The following PDE4D variants were observed in gnomAD, a reference collection of about 807,000 sequenced individuals.
The protein encoded by PDE4D is phosphodiesterase 4D, also known as 3',5'-cyclic-AMP phosphodiesterase 4D.
Under a neutral mutation model 87.4 loss-of-function variants are expected in PDE4D, and 24 were observed. That is an observed-to-expected ratio of 0.27 (90% CI 0.20 to 0.39). PDE4D has a LOEUF of 0.39. Among genes scored for constraint, PDE4D ranks in the 10% least tolerant of loss-of-function variants. The pLI is 1.00. For synonymous variants in PDE4D, 384 were observed against 383.2 expected, an observed-to-expected ratio of 1.00 and a Z score of -0.02; for missense variants, 714 against 1,041.0, an observed-to-expected ratio of 0.69 and a Z score of 4.32.
intron 1 of PDE4D, among the ~76,000 whole-genome samples, chr5:59,614,637 A>G (rs1829432430): frequency 6.6e-6 from 1 of 152,166 alleles, no homozygotes; most frequent in Non-Finnish European, 1.5e-5. Flanking sequence ...AAGATTATGT[A>G]TTTTAAAGCA....
intron 1 of PDE4D, among the ~76,000 whole-genome samples, chr5:59,269,696 C>T (rs969767956): frequency 6.6e-6 from 1 of 152,012 alleles, no homozygotes; most frequent in African/African-American, 2.4e-5. Flanking sequence ...AATGTACAAA[C>T]TCAGTGGCTG....
intron 1 of PDE4D, among the ~76,000 whole-genome samples, chr5:59,525,329 T>C (rs1427309028): frequency 6.6e-6 from 1 of 152,278 alleles, no homozygotes; most frequent in Non-Finnish European, 1.5e-5. Flanking sequence ...TAATGTTTAA[T>C]GACTGCCCTA....
chr5:59,907,265 C>T (rs1035987659), intron 3 of PDE4D, among the ~76,000 whole-genome samples: 5 of 152,082 alleles, frequency 3.3e-5, no homozygotes, highest in African/African-American at 1.2e-4. Flanking sequence ...CTCTAATGAT[C>T]AGTGACATTG....
chr5:59,217,744 A>G (rs991426946), intron 1 of PDE4D, among the ~76,000 whole-genome samples: 2 of 152,202 alleles, frequency 1.3e-5, no homozygotes, highest in Admixed American at 6.5e-5. Context: ...GCATGATTAT[A>G]TAAACCACAA....
At chr5:59,715,574 T>G (rs1449373479) in intron 1 of PDE4D, among the ~76,000 whole-genome samples, 1 of 152,176 alleles carries the variant, frequency 6.6e-6, no homozygotes, top group African/African-American at 2.4e-5. Flanking sequence ...GTGACACATA[T>G]GATAATCTGC....
intron 5 of PDE4D, among the ~76,000 whole-genome samples, chr5:59,138,436 T>C (rs1384950771): frequency 6.6e-6 from 1 of 152,118 alleles, no homozygotes; most frequent in African/African-American, 2.4e-5. Context: ...TACAGGTGCA[T>C]GCCACCACAC....
intron 1 of PDE4D, among the ~76,000 whole-genome samples, chr5:59,825,905 A>G (rs13173398): frequency 0.46 from 69,834 of 151,944 alleles, 16,433 homozygotes; most frequent in Admixed American, 0.51. Flanking sequence ...CTTCCTTCTC[A>G]CCCATCCAGT....
chr5:60,327,015 C>A (rs1156541256), intron 1 of PDE4D, among the ~76,000 whole-genome samples: 1 of 152,028 alleles, frequency 6.6e-6, no homozygotes, highest in African/African-American at 2.4e-5. Context: ...TTTCTTTATC[C>A]CCTGCTTACA....
chr5:59,303,490 C>T (rs1770671913), intron 1 of PDE4D, among the ~76,000 whole-genome samples: 1 of 152,098 alleles, frequency 6.6e-6, no homozygotes, highest in Non-Finnish European at 1.5e-5. Flanking sequence ...AAGGGTTTTT[C>T]CAAAGTTATC....
intron 1 of PDE4D, among the ~76,000 whole-genome samples, chr5:59,340,315 CACA>C (rs1239860509): frequency 4.6e-5 from 7 of 152,032 alleles, no homozygotes; most frequent in East Asian, 1.9e-4. Flanking sequence ...GAATGATGGC[CACA>C]ACATGTAATT....
intron 1 of PDE4D, among the ~76,000 whole-genome samples, chr5:60,296,088 C>A (rs1753355545): frequency 6.6e-6 from 1 of 152,140 alleles, no homozygotes; most frequent in Non-Finnish European, 1.5e-5. Context: ...TCATGAGGAT[C>A]ACCTAAACAC....
intron 1 of PDE4D, among the ~76,000 whole-genome samples, chr5:59,720,967 A>T (rs1259398406): frequency 6.6e-6 from 1 of 152,150 alleles, no homozygotes; most frequent in Non-Finnish European, 1.5e-5. Flanking sequence ...CTTGTATTAG[A>T]GGTTCTCATT....
intron 1 of PDE4D, among the ~76,000 whole-genome samples, chr5:60,247,937 A>G (rs1747985042): frequency 6.6e-6 from 1 of 152,186 alleles, no homozygotes; most frequent in Admixed American, 6.6e-5. Flanking sequence ...GGTTTCAATC[A>G]TAGTATAGAA....
intron 1 of PDE4D, among the ~76,000 whole-genome samples, chr5:59,712,092 A>T (rs1282031145): frequency 6.6e-6 from 1 of 152,062 alleles, no homozygotes; most frequent in Non-Finnish European, 1.5e-5. Context: ...ATTTAAATAG[A>T]ATATTTATAC....
chr5:59,375,133 C>T (rs1431280321), intron 1 of PDE4D, among the ~76,000 whole-genome samples: 1 of 151,982 alleles, frequency 6.6e-6, no homozygotes, highest in Non-Finnish European at 1.5e-5. Flanking sequence ...AACTAGAGAA[C>T]CAAGAGCAAA....
chr5:59,533,700 T>C (rs1266736631), intron 1 of PDE4D, among the ~76,000 whole-genome samples: 1 of 152,176 alleles, frequency 6.6e-6, no homozygotes, highest in South Asian at 2.1e-4. Flanking sequence ...TGGGGTCTTA[T>C]TAGAAGCAAA....
At chr5:59,505,990 T>G (rs954230036) in intron 1 of PDE4D, among the ~76,000 whole-genome samples, 1 of 152,130 alleles carries the variant, frequency 6.6e-6, no homozygotes, top group Admixed American at 6.5e-5. Flanking sequence ...AGCAAGACAA[T>G]GGAATAAATG....
chr5:58,985,957 C>T (rs952519789), intron 11 of PDE4D, among the ~76,000 whole-genome samples: 23 of 152,140 alleles, frequency 1.5e-4, no homozygotes, highest in Admixed American at 5.9e-4. Context: ...CCCTGGGGCC[C>T]GGAACAACCC....
intron 1 of PDE4D, among the ~76,000 whole-genome samples, chr5:60,483,205 C>T (rs1748867363): frequency 6.6e-6 from 1 of 152,092 alleles, no homozygotes; most frequent in Admixed American, 6.6e-5. Context: ...GTTGCCTGCC[C>T]AGGCTGGAAT....
Sources: allele counts gnomAD v4.1 joint callset (sites outside exome capture counted in the v4.1 genomes callset), GRCh38; gene constraint gnomAD v4.1.1; transcripts MANE v1.5; gene names NCBI Gene and HGNC (gene_info 2026-07-23, HGNC 2026-07-21).